MGAT5B: variants seen among roughly 807,000 people sequenced by gnomAD.
MGAT5B encodes the protein alpha-1,6-mannosylglycoprotein 6-beta-N-acetylglucosaminyltransferase B.
Under a neutral mutation model 95.1 loss-of-function variants are expected in MGAT5B, and 54 were observed. The ratio of observed to expected loss-of-function variants is 0.57; its 90% confidence interval spans 0.46 to 0.71. MGAT5B has a LOEUF of 0.71. Ranked by LOEUF, MGAT5B falls within the 30% of genes least tolerant of loss-of-function variation. The probability of loss-of-function intolerance (pLI) is 0.00; values close to 1 mark genes in which losing one functional copy is unlikely to be tolerated. For missense variants in MGAT5B, 935 were observed against 1,088.6 expected (o/e 0.86, Z 1.99); for synonymous variants, 464 against 451.0 (o/e 1.03, Z -0.36).
rs149785636 is a variant in MGAT5B at position 76,926,666 on chromosome 17, G to A, written c.1227G>A (p.Leu409=). 2.5e-4 allele frequency: 403 copies of A among 1,612,710 alleles called. 1 individual carries two copies. The African/African-American group carries it at 4.9e-3, about 19-fold the overall frequency. ...ACAACCACGAGGAGTACGCCACGCTGCACGGCTACCGGACCAACTGGGGCT... is the reference window on the plus strand; with the variant it reads ...ACAACCACGAGGAGTACGCCACGCTACACGGCTACCGGACCAACTGGGGCT... ...PAYNHEEYAT[L]HGYRTNWGYW... is the part of the protein sequence containing the mutation. Residue 409 remains leucine (L), a synonymous_variant, in exon 10 of 18, where the codon CTG becomes CTA. Transcript: ENST00000569840.
chr17:76,925,626 G>A (rs570413148), intron 9 of MGAT5B, among the ~76,000 whole-genome samples: 6 of 152,058 alleles, frequency 3.9e-5, no homozygotes, highest in East Asian at 1.9e-4. Flanking sequence ...TCCCATTGAC[G>A]ATCCCACATG....
In MGAT5B at chr17:76,905,247, C is replaced by A; in HGVS notation, c.769C>A (p.Arg257=). 2.5e-6 allele frequency: 4 copies of A among 1,613,282 alleles called. No homozygotes were observed. Among genetic ancestry groups the A allele is most frequent in the Non-Finnish European group, 3.4e-6 (4 of 1,179,616 alleles). The change falls in exon 7 of 18, where the codon CGG becomes AGG. Residue 257 remains arginine (R), a synonymous_variant. Transcript: ENST00000569840. This position sits in a 1 kb window ranked among gnomAD's most constrained non-coding sequence, Gnocchi z 4.2. ...GGAGTCCCTGATCTTCATGAAGAAGCGGACCAAGAGGCTCACAGCCCAGTG... is the reference window on the plus strand; with the variant it reads ...GGAGTCCCTGATCTTCATGAAGAAGAGGACCAAGAGGCTCACAGCCCAGTG... The part of the protein sequence containing the change: ...GKESLIFMKK[R]TKRLTAQWAL...
rs201279890 is a variant in MGAT5B at position 76,943,034 on chromosome 17, G to GCCCCC, written c.1848+2189_1848+2193dup. Among the ~76,000 whole-genome samples the GCCCCC allele has an allele frequency of 6.2e-3, 805 of 129,440 alleles. 3 individuals carry two copies. The highest frequency in any genetic ancestry group is 0.02 in the African/African-American group (710 of 34,906). The allele number at this position is 129,440 out of a possible 152,430, so 84.9% of individuals were successfully genotyped here. On this transcript the variant is annotated intron_variant, in intron 15 of 17. Transcript: ENST00000569840. ...AGACACTCCACCTTGGGGATAACTT[G>GCCCCC]CCCCCCCGGGAGGCCCAGAAAGCGG... is the stretch of plus-strand genomic sequence containing the variant.
At chr17:76,881,177 A>G (rs1036714962) in intron 2 of MGAT5B, among the ~76,000 whole-genome samples, 1 of 152,208 alleles carries the variant, frequency 6.6e-6, no homozygotes, top group Non-Finnish European at 1.5e-5. Context: ...GCACACTGGC[A>G]CGTGCAGCGC....
intron 16 of MGAT5B, 78 bp from the exon 17 acceptor site, chr17:76,947,752 C>T: frequency 1.4e-6 from 2 of 1,472,398 alleles, no homozygotes; most frequent in Non-Finnish European, 1.8e-6. Flanking sequence ...ACTGGCACGG[C>T]AGGGCCACAC....
chr17:76,904,146 G>A (rs1216004257), intron 5 of MGAT5B, 106 bp from the exon 6 acceptor site: 1 of 1,170,980 alleles, frequency 8.5e-7, no homozygotes, highest in Non-Finnish European at 1.2e-6. Context: ...TGGGCCACAT[G>A]GGCCCCATCC....
chr17:76,885,126 G>C (rs1228398703), intron 3 of MGAT5B, among the ~76,000 whole-genome samples: 1 of 152,178 alleles, frequency 6.6e-6, no homozygotes, highest in Non-Finnish European at 1.5e-5. Flanking sequence ...GTGAGGCCGT[G>C]GTGGAGATGG....
At chr17:76,900,928 CGTGCGTGT>C (rs1361992264) in intron 3 of MGAT5B, among the ~76,000 whole-genome samples, 21,101 of 148,286 alleles carry the variant, frequency 0.14, 1,933 homozygotes, top group African/African-American at 0.25. Context: ...TACATGTGTG[CGTGCGTGT>C]TTGTGTGTGA....
At chr17:76,933,076 A>G (rs1969545854) in intron 11 of MGAT5B, among the ~76,000 whole-genome samples, 1 of 152,220 alleles carries the variant, frequency 6.6e-6, no homozygotes, top group South Asian at 2.1e-4. Flanking sequence ...AAGCCCAGCA[A>G]GGGCGTCTTC....
chr17:76,937,887 G>T, intron 12 of MGAT5B, 101 bp from the exon 13 acceptor site: 4 of 1,430,410 alleles, frequency 2.8e-6, no homozygotes, highest in Non-Finnish European at 2.9e-6. Context: ...ACCTGAGACT[G>T]GGTCCACATC....
Position 76,940,497 on chromosome 17 carries a change from C to G in MGAT5B, c.1680C>G (p.Pro560=), listed in dbSNP as rs1169081199. Reference sequence around the variant, plus strand: ...TCCTGCAGTCCCGCTTCAGCCCGCCCCACAGCTCCCTCAACCACGAGTTCT... The same window carrying G: ...TCCTGCAGTCCCGCTTCAGCCCGCCGCACAGCTCCCTCAACCACGAGTTCT... The part of the protein sequence containing the change: ...CIFLQSRFSP[P]HSSLNHEFFR... The change falls in exon 14 of 18, where the codon CCC becomes CCG. Residue 560 remains proline (P), a synonymous_variant. Transcript: ENST00000569840. This position sits in a 1 kb window ranked among gnomAD's most constrained non-coding sequence, Gnocchi z 4.3. The G allele has an allele frequency of 1.2e-6, 2 of 1,613,812 alleles. No individual in the cohort carries two copies. The highest frequency in any genetic ancestry group is 2.2e-5 in the East Asian group (1 of 44,888).
chr17:76,926,845 G>A (rs1289472859), intron 10 of MGAT5B, 115 bp downstream of exon 10: 2 of 1,314,120 alleles, frequency 1.5e-6, no homozygotes, highest in Non-Finnish European at 2.1e-6. Context: ...CCAGCCAGTG[G>A]GGTTGGTGGG....
intron 12 of MGAT5B, among the ~76,000 whole-genome samples, chr17:76,934,733 C>A (rs894256626): frequency 1.1e-4 from 17 of 152,232 alleles, no homozygotes; most frequent in African/African-American, 4.1e-4. Flanking sequence ...AGCGCTGGAA[C>A]TTCTGTGATA....
At position 76,930,781 on chromosome 17, in the gene MGAT5B, G is replaced by A. The variant is rs1263617147; in HGVS notation, c.1292-1864G>A. ...CCGGGGCAATCCCTGCTGTAACAGAGACCTAACTGCCGCAGATGGGGCCAC... is the reference window on the plus strand; with the variant it reads ...CCGGGGCAATCCCTGCTGTAACAGAAACCTAACTGCCGCAGATGGGGCCAC... On this transcript the variant is annotated intron_variant, in intron 10 of 17. Coordinates refer to ENST00000569840, the MANE Select transcript of MGAT5B (RefSeq NM_001199172.2). This position sits in a 1 kb window ranked among gnomAD's most constrained non-coding sequence, Gnocchi z 4.1. Among the ~76,000 whole-genome samples, 1 of 152,216 alleles carries A rather than the reference G, an allele frequency of 6.6e-6. No individual in the cohort carries two copies. Among genetic ancestry groups the A allele is most frequent in the Non-Finnish European group, 1.5e-5 (1 of 68,036 alleles).
intron 15 of MGAT5B, among the ~76,000 whole-genome samples, chr17:76,941,583 G>A (rs1216642149): frequency 4.6e-5 from 7 of 152,242 alleles, no homozygotes; most frequent in African/African-American, 1.4e-4. Context: ...GCTCCAGGCC[G>A]GGAATGGTGG....
chr17:76,939,075 T>TGTGG (rs1969781254), intron 13 of MGAT5B, among the ~76,000 whole-genome samples: 1 of 128,822 alleles, frequency 7.8e-6, no homozygotes, highest in Non-Finnish European at 1.7e-5. Context: ...TGTGTGTGTG[T>TGTGG]TGGGGGCAGT....
intron 12 of MGAT5B, among the ~76,000 whole-genome samples, chr17:76,936,589 T>C (rs1317077082): frequency 1.3e-5 from 2 of 152,234 alleles, no homozygotes; most frequent in African/African-American, 4.8e-5. Context: ...AGGTTTTGCA[T>C]TTAAGTCTGT....
chr17:76,884,457 G>T (rs1311663268), intron 3 of MGAT5B, among the ~76,000 whole-genome samples: 4 of 151,984 alleles, frequency 2.6e-5, no homozygotes, highest in Non-Finnish European at 5.9e-5. Flanking sequence ...TTGAGATGGA[G>T]GCTTGCTCTG....
At chr17:76,910,613 C>G (rs544886989) in intron 8 of MGAT5B, among the ~76,000 whole-genome samples, 1 of 152,370 alleles carries the variant, frequency 6.6e-6, no homozygotes, top group African/African-American at 2.4e-5. Context: ...TGCATCTATA[C>G]AGACACACAT....
Sources: allele counts gnomAD v4.1 joint callset (sites outside exome capture counted in the v4.1 genomes callset), GRCh38; gene constraint gnomAD v4.1.1; non-coding constraint Gnocchi (gnomAD v3.1); transcripts MANE v1.5; gene names NCBI Gene and HGNC (gene_info 2026-07-23, HGNC 2026-07-21).